The following TRAK1 variants were observed in gnomAD, a reference collection of about 807,000 sequenced individuals.
The protein encoded by TRAK1 is trafficking kinesin-binding protein 1.
TRAK1 carries 33 observed loss-of-function variants against 92.1 expected under a neutral mutation model. The ratio of observed to expected loss-of-function variants is 0.36; its 90% CI spans 0.27 to 0.48. The LOEUF is 0.48. TRAK1 is among the 20% of genes least tolerant of loss of function. The pLI, the probability that TRAK1 is intolerant of heterozygous loss-of-function variation, is 0.99. For synonymous variants in TRAK1, 521 were observed against 517.3 expected (o/e 1.01, Z -0.10); for missense variants, 1,123 against 1,257.9 (o/e 0.89, Z 1.62).
intron 15 of TRAK1, among the ~76,000 whole-genome samples, chr3:42,220,822 AT>A (rs1710274181): frequency 6.6e-6 from 1 of 152,190 alleles, no homozygotes; most frequent in Admixed American, 6.5e-5. Context: ...GACGGGGATC[AT>A]AAATATTAGC....
intron 2 of TRAK1, among the ~76,000 whole-genome samples, chr3:42,174,937 A>G (rs1703011524): frequency 1.3e-5 from 2 of 151,972 alleles, no homozygotes; most frequent in Non-Finnish European, 2.9e-5. Flanking sequence ...AATTACAGTT[A>G]CCTTAATTCA....
intron 1 of TRAK1, among the ~76,000 whole-genome samples, chr3:42,042,823 C>T (rs1396534060): frequency 6.6e-6 from 1 of 152,146 alleles, no homozygotes; most frequent in African/African-American, 2.4e-5. Context: ...TGCACTAGCT[C>T]TTCCTCTCTC....
intron 2 of TRAK1, among the ~76,000 whole-genome samples, chr3:42,130,355 C>G (rs1054231223): frequency 4.0e-5 from 6 of 150,080 alleles, no homozygotes; most frequent in African/African-American, 2.5e-5. Flanking sequence ...TGCATATGAT[C>G]TGCAGACCAC....
At chr3:42,090,651 C>G (rs1293599106), upstream of TRAK1, among the ~76,000 whole-genome samples, 2 of 152,214 alleles carry the variant, frequency 1.3e-5, no homozygotes, top group African/African-American at 4.8e-5. Flanking sequence ...CTACTGTACT[C>G]TAGCCTTGGC....
At chr3:42,014,064 A>C (rs1233449849) in exon 1 of TRAK1, 3 of 147,410 alleles carry the variant, frequency 2.0e-5, no homozygotes, top group African/African-American at 7.3e-5. Context: ...GCCCCCACCG[A>C]GGCCCCCCGG....
intron 1 of TRAK1, among the ~76,000 whole-genome samples, chr3:42,079,760 C>T (rs1166270510): frequency 2.0e-5 from 3 of 152,046 alleles, no homozygotes; most frequent in South Asian, 2.1e-4. Context: ...GGATTACAGG[C>T]GTGAGCCACT....
rs552371247 is a variant in TRAK1 at position 42,063,735 on chromosome 3, G to A, written c.-518-23369G>A. Among the ~76,000 whole-genome samples the A allele has an allele frequency of 4.6e-5, 7 of 151,344 alleles. No homozygotes were observed. In the East Asian group the frequency reaches 1.4e-3, roughly 29 times the overall value. On this transcript the variant is annotated intron_variant, in intron 1 of 16. Transcript: ENST00000487159. ...GAGCCACACAGTGAAAAAAGCATATGTGCCGGGGCAGCCCAGCTGTGCCTT... is the reference window on the plus strand; with the variant it reads ...GAGCCACACAGTGAAAAAAGCATATATGCCGGGGCAGCCCAGCTGTGCCTT...
intron 2 of TRAK1, among the ~76,000 whole-genome samples, chr3:42,135,071 G>T (rs1697775401): frequency 2.0e-5 from 3 of 152,184 alleles, no homozygotes; most frequent in African/African-American, 7.2e-5. Flanking sequence ...GTGCAGGCTT[G>T]TCAGAGGAAT....
At position 42,223,591 on chromosome 3, in the gene TRAK1, G is replaced by A. The variant is rs530653575; in HGVS notation, c.2716G>A (p.Gly906Ser). The A allele has an allele frequency of 1.1e-5, 17 of 1,613,960 alleles. No individual in the cohort carries two copies. The Admixed American group carries it at 1.8e-4, about 17-fold the overall frequency. The change falls in exon 16 of 16, where the codon GGT becomes AGT. Residue 906 changes from glycine (G) to serine (S), a missense_variant. Gly to Ser is a moderately conservative substitution (Grantham distance 56, BLOSUM62 0). Around this residue, in one of 3 missense-constraint regions of TRAK1, gnomAD observed 401 missense variants for 438.9 expected, o/e 0.91. Coordinates refer to ENST00000327628, the MANE Select transcript of TRAK1 (RefSeq NM_001042646.3). The surrounding 1 kb of genome is among the most constrained non-coding windows in gnomAD (Gnocchi z 6.1). ...LRCPTVTSAI[G>S]GLQLNSGIRR... ...ATGCCCCACTGTCACCAGTGCCATC[G>A]GTGGGCTGCAGCTCAATAGTGGCAT...
intron 1 of TRAK1, among the ~76,000 whole-genome samples, chr3:42,021,666 T>A (rs1168416676): frequency 5.9e-5 from 9 of 152,168 alleles, no homozygotes; most frequent in Non-Finnish European, 1.2e-4. Context: ...AACCTCCGTC[T>A]CCCTGGTTCA....
chr3:42,091,554 G>A lies in TRAK1; in HGVS notation c.85G>A (p.Ala29Thr), dbSNP rs766866114. Reference sequence around the variant, plus strand: ...CCACGGCAAGCTCATTCGGACAAACGCCTGTGGTAAGTTTGTTTGCCAGGT... The same window carrying A: ...CCACGGCAAGCTCATTCGGACAAACACCTGTGGTAAGTTTGTTTGCCAGGT... ...LCHGKLIRTN[A>T]CDVCNSTDLP... Residue 29 changes from alanine to threonine, a missense_variant, in exon 1 of 16, where the codon GCC (alanine) becomes ACC (threonine). This residue lies in a region of TRAK1 where 686 missense variants were observed against 747.6 expected (regional missense o/e 0.92). Coordinates refer to ENST00000327628, the MANE Select transcript of TRAK1 (RefSeq NM_001042646.3). The A allele has an allele frequency of 2.0e-5, 33 of 1,611,730 alleles. No individual in the cohort carries two copies. The highest frequency in any genetic ancestry group is 2.0e-4 in the Admixed American group (12 of 59,048).
intron 10 of TRAK1, among the ~76,000 whole-genome samples, chr3:42,196,004 A>G (rs978738009): frequency 2.0e-5 from 3 of 152,074 alleles, no homozygotes; most frequent in African/African-American, 7.2e-5. Context: ...GATCCACTCC[A>G]CTGCCTTCCC....
chr3:42,124,149 A>G (rs1330551241), intron 1 of TRAK1, among the ~76,000 whole-genome samples: 2 of 151,314 alleles, frequency 1.3e-5, no homozygotes, highest in South Asian at 2.1e-4. Context: ...AAAAAAAAAA[A>G]AAGAATCAAC....
In TRAK1 at chr3:42,210,086, G is replaced by GGAGGAA. The variant is rs1559392296; in HGVS notation, c.1963+106_1963+107insAGAGGA. ...AGATGCAGGAGCCGCCAGCGGCCAC[G>GGAGGAA]GAGGAGGAGGAGGAGGAGGAGGAGG... On this transcript the variant is annotated intron_variant, in intron 14 of 15. Transcript: ENST00000327628. The GGAGGAA allele has an allele frequency of 5.1e-6, 3 of 587,814 alleles. No homozygotes were observed. In the Admixed American group the frequency reaches 1.0e-4, roughly 20 times the overall value. 36.4% of individuals were successfully genotyped at this position (587,814 alleles called of 1,614,324 possible). A position where few individuals can be genotyped will look rare whatever the true frequency, so the allele number is the denominator to read the frequency against.
upstream of TRAK1, among the ~76,000 whole-genome samples, chr3:42,089,804 C>T (rs946045985): frequency 1.3e-5 from 2 of 151,884 alleles, no homozygotes; most frequent in Non-Finnish European, 1.5e-5. Context: ...TTGCAGTAGA[C>T]TAAAGTCGCG....
intron 13 of TRAK1, among the ~76,000 whole-genome samples, chr3:42,205,831 G>C (rs1192142566): frequency 6.6e-6 from 1 of 152,228 alleles, no homozygotes; most frequent in Non-Finnish European, 1.5e-5. Flanking sequence ...AAGCAGAGGG[G>C]GAAGGACGCA....
chr3:42,223,460 A>C lies in TRAK1; in HGVS notation c.2585A>C (p.His862Pro). 1 of 1,613,938 alleles carries C rather than the reference A, an allele frequency of 6.2e-7. No homozygotes were observed. The highest frequency in any genetic ancestry group is 8.5e-7 in the Non-Finnish European group (1 of 1,179,974). The change falls in exon 16 of 16, where the codon CAT becomes CCT. Residue 862 changes from histidine to proline, a missense_variant. Coordinates refer to ENST00000327628, the MANE Select transcript of TRAK1 (RefSeq NM_001042646.3). The surrounding 1 kb of genome is among the most constrained non-coding windows in gnomAD (Gnocchi z 6.1). The part of the protein sequence containing the change: ...VAKVVNSGRA[H>P]VPTLTEEQGP... ...AAAGTGGTGAACTCAGGGCGAGCCC[A>C]TGTCCCCACCTTGACTGAGGAGCAG...
In TRAK1 at chr3:42,220,404, C is replaced by G. The variant is rs1396805694; in HGVS notation, c.2066+808C>G. On this transcript the variant is annotated intron_variant, in intron 15 of 15. Transcript: ENST00000327628. Reference sequence around the variant, plus strand: ...AGAACGACCCCCTCAGCTGTTTCCTCTGTGGTGTAAGATGCTGGGTTGCTG... The same window carrying G: ...AGAACGACCCCCTCAGCTGTTTCCTGTGTGGTGTAAGATGCTGGGTTGCTG... 3.5e-6 allele frequency: 3 copies of G among 854,904 alleles called. No homozygotes were observed. The African/African-American group carries it at 5.5e-5, about 16-fold the overall frequency. The allele number at this position is 854,904 out of a possible 1,614,324, so 53.0% of individuals were successfully genotyped here.
At chr3:42,149,738 C>A in intron 2 of TRAK1, 1 of 1,118,030 alleles carries the variant, frequency 8.9e-7, no homozygotes, top group Non-Finnish European at 1.3e-6. Flanking sequence ...CTGGCTCTGG[C>A]AATTCCAAAG....
Sources: allele counts gnomAD v4.1 joint callset (sites outside exome capture counted in the v4.1 genomes callset), GRCh38; gene constraint gnomAD v4.1.1; regional missense constraint gnomAD v4.1.1; non-coding constraint Gnocchi (gnomAD v3.1); transcripts MANE v1.5; gene names NCBI Gene and HGNC (gene_info 2026-07-23, HGNC 2026-07-21).